XXYLT1: variants seen among roughly 807,000 people sequenced by gnomAD.
XXYLT1 encodes the protein UDP-xylose:alpha-xyloside alpha-1,3-xylosyltransferase.
In XXYLT1, 20 loss-of-function variants were observed where a neutral mutation model predicts 28.9. That is an observed-to-expected ratio of 0.69 (90% confidence interval 0.49 to 1.00). The LOEUF (loss-of-function observed/expected upper bound fraction) is 1.00. Ranked by LOEUF, XXYLT1 falls within the 50% of genes least tolerant of loss-of-function variation. The pLI is 0.00. For synonymous variants in XXYLT1, 257 were observed against 253.8 expected, an observed-to-expected ratio of 1.01 and a Z score of -0.12; for missense variants, 542 against 560.1, an observed-to-expected ratio of 0.97 and a Z score of 0.33.
At chr3:195,127,267 C>T (rs755364729) in intron 3 of XXYLT1, among the ~76,000 whole-genome samples, 1 of 152,104 alleles carries the variant, frequency 6.6e-6, no homozygotes, top group African/African-American at 2.4e-5. Context: ...CCTCACACGG[C>T]GGATTTGACT....
intron 2 of XXYLT1, among the ~76,000 whole-genome samples, chr3:195,205,303 A>G (rs1004962845): frequency 2.0e-5 from 3 of 152,248 alleles, no homozygotes; most frequent in African/African-American, 7.2e-5. Context: ...AAACTGGTAT[A>G]TTCGCATGAT....
rs547447088 is a variant in XXYLT1 at position 195,149,672 on chromosome 3, C to T, written c.785+6777G>A. Among the ~76,000 whole-genome samples, 11 of 152,328 alleles carry T rather than the reference C, an allele frequency of 7.2e-5. No individual in the cohort carries two copies. The East Asian group carries it at 1.9e-3, about 27-fold the overall frequency. On this transcript the variant is annotated intron_variant, in intron 3 of 3. Coordinates refer to ENST00000310380, the MANE Select transcript of XXYLT1 (RefSeq NM_152531.5). ...CGTCCCTCCCCCCATCTTTGATCCC[C>T]TGGTTTCCAATATTCTCTGGGATAT...
At chr3:195,079,233 C>T (rs1283389544) in intron 3 of XXYLT1, among the ~76,000 whole-genome samples, 2 of 152,090 alleles carry the variant, frequency 1.3e-5, no homozygotes, top group Admixed American at 6.5e-5. Flanking sequence ...GGGATGGAGA[C>T]GGGGAAGCCA....
chr3:195,228,454 T>C (rs1434634123), intron 1 of XXYLT1, among the ~76,000 whole-genome samples: 1 of 151,330 alleles, frequency 6.6e-6, no homozygotes, highest in Non-Finnish European at 1.5e-5. Flanking sequence ...TGCTCTTCCC[T>C]ACTGTTGGTT....
intron 2 of XXYLT1, among the ~76,000 whole-genome samples, chr3:195,175,379 G>A (rs1721611559): frequency 6.6e-6 from 1 of 152,236 alleles, no homozygotes; most frequent in African/African-American, 2.4e-5. Context: ...AGATGGAACT[G>A]GGGGAATGCG....
intron 3 of XXYLT1, among the ~76,000 whole-genome samples, chr3:195,081,365 C>T (rs1396495436): frequency 6.6e-6 from 1 of 152,248 alleles, no homozygotes; most frequent in Non-Finnish European, 1.5e-5. Flanking sequence ...TCTTCTCCCT[C>T]TGTCACAGCG....
intron 3 of XXYLT1, among the ~76,000 whole-genome samples, chr3:195,100,784 G>A (rs1716733300): frequency 1.3e-5 from 2 of 152,228 alleles, no homozygotes; most frequent in South Asian, 2.1e-4. Flanking sequence ...TATGTCTATG[G>A]TTGTGGGGTT....
chr3:195,117,409 A>C (rs944928468), intron 3 of XXYLT1, among the ~76,000 whole-genome samples: 1 of 152,254 alleles, frequency 6.6e-6, no homozygotes, highest in Non-Finnish European at 1.5e-5. Context: ...TTTTTCTATG[A>C]AGTACTGATG....
At chr3:195,143,849 T>G (rs6148262) in intron 3 of XXYLT1, among the ~76,000 whole-genome samples, 9,499 of 72,494 alleles carry the variant, frequency 0.13, 1,424 homozygotes, top group African/African-American at 0.21. Flanking sequence ...TATAGATATA[T>G]ATATAGATAT....
At chr3:195,083,639 T>C (rs1453275282) in intron 3 of XXYLT1, among the ~76,000 whole-genome samples, 1 of 152,236 alleles carries the variant, frequency 6.6e-6, no homozygotes, top group Non-Finnish European at 1.5e-5. Context: ...CAGGAATCAT[T>C]ACCCAGCTAT....
chr3:195,215,748 C>T (rs1723544499), intron 2 of XXYLT1, among the ~76,000 whole-genome samples: 2 of 152,122 alleles, frequency 1.3e-5, no homozygotes, highest in African/African-American at 4.8e-5. Context: ...CCACTGTCAA[C>T]ATTAGACAGA....
intron 2 of XXYLT1, among the ~76,000 whole-genome samples, chr3:195,170,187 C>T (rs1439256901): frequency 1.3e-5 from 2 of 152,068 alleles, no homozygotes; most frequent in East Asian, 1.9e-4. Flanking sequence ...TGTATATACA[C>T]ACACATATGA....
chr3:195,123,944 G>C (rs1718491751), intron 3 of XXYLT1, among the ~76,000 whole-genome samples: 1 of 152,048 alleles, frequency 6.6e-6, no homozygotes, highest in Non-Finnish European at 1.5e-5. Flanking sequence ...CAGGTATCAT[G>C]TGAACAAAGG....
rs769025882 is a variant in XXYLT1 at position 195,070,119 on chromosome 3, G to A, written c.786-8C>T. On this transcript the variant is annotated splice_polypyrimidine_tract_variant and splice_region_variant and intron_variant, in intron 3 of 3. Transcript: ENST00000310380. The stretch of plus-strand genomic sequence containing the variant: ...AACTGCCAGAATGTGTGCCTGTGGA[G>A]AGAGAGGACAGAGTTAGTCCGGTGT... 18 of 1,548,766 alleles carry A rather than the reference G, an allele frequency of 1.2e-5. No individual in the cohort carries two copies. The highest frequency in any genetic ancestry group is 1.6e-5 in the Non-Finnish European group (18 of 1,154,742).
At chr3:195,226,571 G>C (rs934304049) in intron 2 of XXYLT1, 138 bp downstream of exon 2, 5 of 1,082,308 alleles carry the variant, frequency 4.6e-6, no homozygotes, top group Non-Finnish European at 6.3e-6. Flanking sequence ...CAAAGGGCTT[G>C]GTCTGGCTCC....
intron 2 of XXYLT1, among the ~76,000 whole-genome samples, chr3:195,214,584 T>C (rs1446034594): frequency 6.6e-6 from 1 of 152,032 alleles, no homozygotes; most frequent in Non-Finnish European, 1.5e-5. Flanking sequence ...GCATCCACAA[T>C]CGTAGGGGGG....
chr3:195,132,370 G>A (rs890767475), intron 3 of XXYLT1, among the ~76,000 whole-genome samples: 10 of 152,070 alleles, frequency 6.6e-5, no homozygotes, highest in African/African-American at 2.4e-4. Context: ...GGGAGGCTGA[G>A]GCAGGAGGAT....
At chr3:195,145,146 T>C (rs777909347) in intron 3 of XXYLT1, among the ~76,000 whole-genome samples, 2 of 152,210 alleles carry the variant, frequency 1.3e-5, no homozygotes, top group African/African-American at 2.4e-5. Flanking sequence ...CCGGTCAACA[T>C]AGGATGGTCC....
intron 2 of XXYLT1, among the ~76,000 whole-genome samples, chr3:195,158,149 C>T (rs1369805963): frequency 6.6e-6 from 1 of 152,188 alleles, no homozygotes; most frequent in Admixed American, 6.5e-5. Context: ...CGAAAGCCCA[C>T]CACCTGCTAC....
Sources: allele counts gnomAD v4.1 joint callset (sites outside exome capture counted in the v4.1 genomes callset), GRCh38; gene constraint gnomAD v4.1.1; transcripts MANE v1.5; gene names NCBI Gene and HGNC (gene_info 2026-07-23, HGNC 2026-07-21).